The following CNTN4 variants were observed in gnomAD, a reference collection of about 807,000 sequenced individuals.
CNTN4 encodes contactin-4.
A neutral mutation model predicts 122.5 loss-of-function variants in CNTN4; 77 were observed. The observed-to-expected ratio is 0.63, with a 90% CI of 0.52 to 0.76. CNTN4 has a LOEUF of 0.76. Ranked by LOEUF, CNTN4 falls within the 30% of genes least tolerant of loss-of-function variation. The pLI is 0.00. For missense variants in CNTN4, 1,256 were observed against 1,259.1 expected, an observed-to-expected ratio of 1.00 and a Z score of 0.04; for synonymous variants, 512 against 447.0, an observed-to-expected ratio of 1.15 and a Z score of -1.83.
chr3:3,053,841 C>G lies in CNTN4; in HGVS notation c.2846C>G (p.Ser949Cys). The G allele has an allele frequency of 6.2e-7, 1 of 1,614,206 alleles. No homozygotes were observed. Among genetic ancestry groups the G allele is most frequent in the South Asian group, 1.1e-5 (1 of 91,086 alleles). Reference protein sequence around the residue: ...LYRWNRQSSTSVIETNKTSVE... With the variant: ...LYRWNRQSSTCVIETNKTSVE... Reference sequence around the variant, plus strand: ...AGATGGAACAGACAAAGCAGCACATCTGTCATTGAAACAAATAAAACATCG... The same window carrying G: ...AGATGGAACAGACAAAGCAGCACATGTGTCATTGAAACAAATAAAACATCG... The change falls in exon 24 of 25, where the codon TCT becomes TGT. Residue 949 changes from serine (S) to cysteine (C), a missense_variant. Physicochemically the swap from Ser to Cys is moderately radical, Grantham distance 112. Transcript: ENST00000418658.
intron 6 of CNTN4, among the ~76,000 whole-genome samples, chr3:2,798,572 C>T (rs7629496): frequency 0.62 from 94,958 of 152,002 alleles, 29,816 homozygotes; most frequent in South Asian, 0.75. Flanking sequence ...TGCAGTGGTG[C>T]GATCTCAGCT....
intron 2 of CNTN4, among the ~76,000 whole-genome samples, chr3:2,280,174 G>C (rs1041564659): frequency 6.6e-6 from 1 of 152,002 alleles, no homozygotes; most frequent in African/African-American, 2.4e-5. Flanking sequence ...TGCCCAGGCT[G>C]GTCTCAAACT....
chr3:2,373,295 C>A (rs979193424), intron 3 of CNTN4, among the ~76,000 whole-genome samples: 6 of 152,174 alleles, frequency 3.9e-5, no homozygotes, highest in Non-Finnish European at 5.9e-5. Context: ...GAGGTAGTGG[C>A]TGTTTAAAGA....
At chr3:2,378,045 A>T (rs2045887338) in intron 3 of CNTN4, among the ~76,000 whole-genome samples, 1 of 152,226 alleles carries the variant, frequency 6.6e-6, no homozygotes, top group Non-Finnish European at 1.5e-5. Context: ...GACTCTTGCA[A>T]TATTTGGAAT....
At chr3:2,228,661 G>A (rs2039375023) in intron 2 of CNTN4, among the ~76,000 whole-genome samples, 1 of 152,068 alleles carries the variant, frequency 6.6e-6, no homozygotes, top group South Asian at 2.1e-4. Context: ...AAGACTGAGG[G>A]TCTAATGATT....
At chr3:2,286,160 G>A (rs2041891624) in intron 2 of CNTN4, among the ~76,000 whole-genome samples, 2 of 151,014 alleles carry the variant, frequency 1.3e-5, no homozygotes, top group Admixed American at 1.3e-4. Flanking sequence ...CTACTGGTAG[G>A]TTGAACTTTT....
chr3:2,641,374 G>T (rs755393673), intron 4 of CNTN4, among the ~76,000 whole-genome samples: 2 of 152,102 alleles, frequency 1.3e-5, no homozygotes, highest in African/African-American at 4.8e-5. Flanking sequence ...AGACGTGAAA[G>T]CAGGAAACAC....
chr3:2,358,896 G>A (rs774462102), intron 3 of CNTN4, among the ~76,000 whole-genome samples: 3 of 152,146 alleles, frequency 2.0e-5, no homozygotes, highest in Non-Finnish European at 1.5e-5. Flanking sequence ...CTAGTCCGGT[G>A]CAGGCTGTGT....
Position 2,417,644 on chromosome 3 carries a change from G to T in CNTN4, c.-89+78411G>T, listed in dbSNP as rs192025581. Among the ~76,000 whole-genome samples, 189 of 152,288 alleles carry T rather than the reference G, an allele frequency of 1.2e-3. 1 individual carries two copies. Among genetic ancestry groups the T allele is most frequent in the Non-Finnish European group, 1.6e-3 (110 of 68,024 alleles). On this transcript the variant is annotated intron_variant, in intron 3 of 24. Coordinates refer to ENST00000418658, the MANE Select transcript of CNTN4 (RefSeq NM_175607.3). ...CACACTCCTTGAGATTTACCCGAAG[G>T]AGGTGAAAACTTATGTTTACATAAA...
chr3:2,622,489 A>G, intron 4 of CNTN4, among the ~76,000 whole-genome samples: 1 of 151,900 alleles, frequency 6.6e-6, no homozygotes, highest in Non-Finnish European at 1.5e-5. Context: ...GATGGGTTGG[A>G]CAGGCTGGTC....
At chr3:2,971,332 A>G (rs996535293) in intron 13 of CNTN4, among the ~76,000 whole-genome samples, 4 of 140,088 alleles carry the variant, frequency 2.9e-5, no homozygotes, top group Non-Finnish European at 4.5e-5. Flanking sequence ...ATCTATATCT[A>G]TATCTGTCTG....
Position 2,370,774 on chromosome 3 carries a change from T to C in CNTN4, c.-89+31541T>C, listed in dbSNP as rs191073977. Among the ~76,000 whole-genome samples, 383 of 152,242 alleles carry C rather than the reference T, an allele frequency of 2.5e-3. 1 individual carries two copies. The highest frequency in any genetic ancestry group is 0.01 in the Middle Eastern group (3 of 294). Reference sequence around the variant, plus strand: ...CAAAAAATGATATAATTTTAGAGATTTATCCCAATTTCTATCAACCAGAAG... The same window carrying C: ...CAAAAAATGATATAATTTTAGAGATCTATCCCAATTTCTATCAACCAGAAG... On this transcript the variant is annotated intron_variant, in intron 3 of 24. Coordinates refer to ENST00000418658, the MANE Select transcript of CNTN4 (RefSeq NM_175607.3).
At chr3:2,183,342 AT>A (rs2037102762) in intron 2 of CNTN4, among the ~76,000 whole-genome samples, 1 of 152,110 alleles carries the variant, frequency 6.6e-6, no homozygotes, top group Non-Finnish European at 1.5e-5. Flanking sequence ...TTCACGGGAA[AT>A]TTTCTTCTAC....
chr3:2,776,677 G>C (rs2091332876), intron 6 of CNTN4, among the ~76,000 whole-genome samples: 1 of 152,138 alleles, frequency 6.6e-6, no homozygotes. Context: ...CTGGGTCCCA[G>C]CACAGAGCTT....
chr3:2,705,917 A>G (rs1272332570), intron 4 of CNTN4, among the ~76,000 whole-genome samples: 4 of 124,292 alleles, frequency 3.2e-5, no homozygotes, highest in African/African-American at 1.2e-4. Flanking sequence ...TATATAAAAT[A>G]TATGTAATAT....
At chr3:2,671,088 G>A (rs1289911153) in intron 4 of CNTN4, among the ~76,000 whole-genome samples, 7 of 152,004 alleles carry the variant, frequency 4.6e-5, no homozygotes, top group African/African-American at 1.2e-4. Flanking sequence ...TGCTCTTCTC[G>A]AGGAGTATCT....
At chr3:2,604,337 G>A (rs1220462852) in intron 4 of CNTN4, among the ~76,000 whole-genome samples, 1 of 152,118 alleles carries the variant, frequency 6.6e-6, no homozygotes, top group Non-Finnish European at 1.5e-5. Context: ...CCAGAGGAAA[G>A]ATGTTTTTTC....
At chr3:2,684,308 C>T (rs1158942696) in intron 4 of CNTN4, among the ~76,000 whole-genome samples, 2 of 152,090 alleles carry the variant, frequency 1.3e-5, no homozygotes, top group African/African-American at 4.8e-5. Flanking sequence ...CAGAATAGGC[C>T]AGCCTAACTG....
intron 14 of CNTN4, among the ~76,000 whole-genome samples, chr3:3,000,883 T>TC (rs1179617934): frequency 5.7e-4 from 80 of 140,586 alleles, no homozygotes; most frequent in African/African-American, 1.8e-3. Context: ...TTTCTTTCTT[T>TC]TTTTTTTTTT....
Sources: allele counts gnomAD v4.1 joint callset (sites outside exome capture counted in the v4.1 genomes callset), GRCh38; gene constraint gnomAD v4.1.1; transcripts MANE v1.5; gene names NCBI Gene and HGNC (gene_info 2026-07-23, HGNC 2026-07-21).